Variants in KPNA6 observed in about 807,000 individuals in gnomAD.
KPNA6 encodes importin subunit alpha-7.
KPNA6 carries 9 observed loss-of-function variants against 72.0 expected under a neutral mutation model. The observed-to-expected ratio is 0.13, with a 90% CI of 0.08 to 0.22. The LOEUF is 0.22. KPNA6 is among the 10% of genes least tolerant of loss of function. KPNA6 has a pLI of 1.00. For missense variants in KPNA6, 374 were observed against 655.7 expected (o/e 0.57, Z 4.69); for synonymous variants, 219 against 242.1 (o/e 0.90, Z 0.89).
In KPNA6 at chr1:32,148,313, T is replaced by G. The variant is rs929103037; in HGVS notation, c.5-6275T>G. Among the ~76,000 whole-genome samples the G allele has an allele frequency of 6.0e-5, 9 of 150,564 alleles. No homozygotes were observed. In the South Asian group the frequency reaches 1.1e-3, roughly 18 times the overall value. ...TGCCACCATGCCTGGCTAATTTTTG[T>G]TTTTTTTTAGTATAGACACAGGGTT... On this transcript the variant is annotated intron_variant, in intron 1 of 13. Coordinates refer to ENST00000373625, the MANE Select transcript of KPNA6 (RefSeq NM_012316.5).
chr1:32,157,502 C>A, intron 4 of KPNA6, 57 bp downstream of exon 4: 1 of 1,253,356 alleles, frequency 8.0e-7, no homozygotes, highest in Non-Finnish European at 1.2e-6. Flanking sequence ...CTTTTCTCTT[C>A]ACTGATGTCA....
At chr1:32,142,925 C>A in intron 1 of KPNA6, 1 of 1,285,502 alleles carries the variant, frequency 7.8e-7, no homozygotes, top group Non-Finnish European at 1.0e-6. Flanking sequence ...ACTAAAGAAG[C>A]TCAGCATGGC....
intron 1 of KPNA6, among the ~76,000 whole-genome samples, chr1:32,134,368 G>T (rs1182692340): frequency 2.6e-5 from 4 of 151,778 alleles, no homozygotes; most frequent in Non-Finnish European, 5.9e-5. Flanking sequence ...CACTAAACCT[G>T]CAGTGACTTA....
At chr1:32,142,660 G>A (rs968148596) in intron 1 of KPNA6, among the ~76,000 whole-genome samples, 1 of 152,164 alleles carries the variant, frequency 6.6e-6, no homozygotes, top group African/African-American at 2.4e-5. Flanking sequence ...CTTTGAGAGA[G>A]TTCCTTGACT....
chr1:32,166,285 T>G, intron 11 of KPNA6, 55 bp downstream of exon 11: 1 of 1,560,982 alleles, frequency 6.4e-7, no homozygotes, highest in Admixed American at 2.1e-5. Context: ...CTTGGGAGGT[T>G]GTTGGAATAT....
intron 1 of KPNA6, among the ~76,000 whole-genome samples, chr1:32,133,189 C>T (rs6671640): frequency 0.13 from 19,545 of 151,020 alleles, 1,698 homozygotes; most frequent in South Asian, 0.25. Flanking sequence ...ACAAAAAATA[C>T]GAAAATTAGC....
At chr1:32,136,181 C>CTCTTTTTTTTTTTT (rs1641732259) in intron 1 of KPNA6, among the ~76,000 whole-genome samples, 3 of 139,304 alleles carry the variant, frequency 2.2e-5, no homozygotes, top group African/African-American at 8.1e-5. Flanking sequence ...TAGCTTCTCT[C>CTCTTTTTTTTTTTT]TTTTTTTTTT....
chr1:32,152,757 A>G (rs1296599880), intron 1 of KPNA6, among the ~76,000 whole-genome samples: 14 of 152,088 alleles, frequency 9.2e-5, no homozygotes, highest in Admixed American at 9.2e-4. Context: ...AGGCAGGAAA[A>G]TGGCGTGAAC....
At chr1:32,135,449 C>T (rs1029584197) in intron 1 of KPNA6, among the ~76,000 whole-genome samples, 10 of 152,010 alleles carry the variant, frequency 6.6e-5, no homozygotes, top group South Asian at 6.2e-4. Flanking sequence ...CTGCCTACTT[C>T]GGCCTCCCAA....
At chr1:32,130,458 A>C (rs1641617624) in intron 1 of KPNA6, among the ~76,000 whole-genome samples, 1 of 152,080 alleles carries the variant, frequency 6.6e-6, no homozygotes, top group Non-Finnish European at 1.5e-5. Context: ...AGTTGGTTTG[A>C]TAAGTTGATT....
At position 32,159,450 on chromosome 1, in the gene KPNA6, G is replaced by A. The variant is rs1310819495; in HGVS notation, c.477G>A (p.Gln159=). 2 of 1,614,030 alleles carry A rather than the reference G, an allele frequency of 1.2e-6. No homozygotes were observed. Among genetic ancestry groups the A allele is most frequent in the African/African-American group, 2.7e-5 (2 of 74,916 alleles). ...ATATTGCCTCTGGAACCTCTCAGCA[G>A]ACCAAAATTGTCATTGAAGCAGGGG... ...LTNIASGTSQ[Q]TKIVIEAGAV... Residue 159 remains glutamine (Q), a synonymous_variant, in exon 6 of 14, where the codon CAG becomes CAA. Coordinates refer to ENST00000373625, the MANE Select transcript of KPNA6 (RefSeq NM_012316.5).
chr1:32,120,478 C>T (rs1411704248), intron 1 of KPNA6, among the ~76,000 whole-genome samples: 1 of 151,404 alleles, frequency 6.6e-6, no homozygotes, highest in Admixed American at 6.6e-5. Context: ...GAACTCCTGA[C>T]CTCAGGCCAT....
chr1:32,148,118 T>C (rs906472467), intron 1 of KPNA6, among the ~76,000 whole-genome samples: 26 of 152,170 alleles, frequency 1.7e-4, no homozygotes, highest in African/African-American at 6.0e-4. Context: ...TTCTTTTTCT[T>C]TTTTGAGACA....
intron 7 of KPNA6, among the ~76,000 whole-genome samples, chr1:32,160,959 C>A (rs778468218): frequency 3.9e-5 from 6 of 152,136 alleles, no homozygotes; most frequent in African/African-American, 7.2e-5. Context: ...AGTTCAAAAC[C>A]AGCCTGGGCA....
At chr1:32,159,748 G>T (rs767247270) in intron 6 of KPNA6, among the ~76,000 whole-genome samples, 1 of 152,136 alleles carries the variant, frequency 6.6e-6, no homozygotes, top group African/African-American at 2.4e-5. Context: ...AACTCTAGGT[G>T]TTAGAGTCAG....
chr1:32,157,037 C>T (rs1167728061), intron 3 of KPNA6, 92 bp downstream of exon 3: 3 of 888,902 alleles, frequency 3.4e-6, no homozygotes, highest in African/African-American at 3.3e-5. Flanking sequence ...CCAGCTTTGC[C>T]AGTAACCATG....
At chr1:32,150,257 C>T (rs1412396367) in intron 1 of KPNA6, among the ~76,000 whole-genome samples, 4 of 151,142 alleles carry the variant, frequency 2.6e-5, no homozygotes, top group Admixed American at 6.6e-5. Context: ...CTCAGCCTCC[C>T]GAGTAGCTGG....
intron 3 of KPNA6, 59 bp from the exon 4 acceptor site, chr1:32,157,287 G>T: frequency 7.7e-7 from 1 of 1,300,772 alleles, no homozygotes; most frequent in South Asian, 1.2e-5. Flanking sequence ...GCAGTATTAT[G>T]TGCTCACATC....
intron 1 of KPNA6, 134 bp downstream of exon 1, chr1:32,108,268 C>T (rs1641179600): frequency 7.7e-7 from 1 of 1,291,694 alleles, no homozygotes; most frequent in East Asian, 2.4e-5. Flanking sequence ...AAAAGTCAGG[C>T]CGGGAGTGCC....
Sources: gnomAD v4.1 joint callset for allele counts (sites outside exome capture counted in the v4.1 genomes callset) on GRCh38, gnomAD v4.1.1 for gene constraint, MANE v1.5 for transcripts, NCBI Gene and HGNC (gene_info 2026-07-23, HGNC 2026-07-21) for gene names.